Variants in PMF1 observed in about 807,000 individuals in gnomAD.
The protein encoded by PMF1 is polyamine modulated factor 1.
PMF1 carries 21 observed loss-of-function variants against 26.7 expected under a neutral mutation model. The ratio of observed to expected loss-of-function variants is 0.79; its 90% CI spans 0.56 to 1.13. The LOEUF (loss-of-function observed/expected upper bound fraction) is 1.13. PMF1 is among the 50% of genes most tolerant of loss of function. The pLI, the probability that PMF1 is intolerant of heterozygous loss-of-function variation, is 0.00. For synonymous variants in PMF1, 105 were observed against 101.0 expected (o/e 1.04, Z -0.24); for missense variants, 266 against 254.9 (o/e 1.04, Z -0.30).
intron 1 of PMF1, among the ~76,000 whole-genome samples, chr1:156,221,191 C>T (rs192409394): frequency 1.5e-3 from 236 of 152,282 alleles, no homozygotes; most frequent in African/African-American, 5.4e-3. Context: ...TGAAAGCCTT[C>T]GGTGACTGTC....
rs756934419 is a variant in PMF1, at chr1:156,232,332, C to A, written c.174C>A (p.Phe58Leu). 1 of 1,614,034 alleles carries A rather than the reference C, an allele frequency of 6.2e-7. No individual in the cohort carries two copies. Among genetic ancestry groups the A allele is most frequent in the South Asian group, 1.1e-5 (1 of 91,072 alleles). Residue 58 changes from phenylalanine (F) to leucine (L), a missense_variant, in exon 2 of 5, where the codon TTC (phenylalanine) becomes TTA (leucine). Transcript: ENST00000368277. ...TCCTTCCCGCCAGCTACCAGAGATT[C>A]ACTGACTGCTATAAGTGCTTCTACC... ...KLVAAGSYQR[F>L]TDCYKCFYQL...
chr1:156,232,856 C>T (rs1658795317), intron 2 of PMF1, among the ~76,000 whole-genome samples: 1 of 151,064 alleles, frequency 6.6e-6, no homozygotes, highest in Non-Finnish European at 1.5e-5. Flanking sequence ...AGCCTACAGG[C>T]TCTTTTTAAA....
intron 1 of PMF1, among the ~76,000 whole-genome samples, chr1:156,231,139 C>T (rs1196230551): frequency 7.1e-5 from 10 of 140,622 alleles, no homozygotes; most frequent in Non-Finnish European, 1.4e-4. Flanking sequence ...ATGGTGTGAA[C>T]GCGGGAGGCG....
intron 1 of PMF1, among the ~76,000 whole-genome samples, chr1:156,227,062 G>T (rs560341705): frequency 1.3e-5 from 2 of 152,314 alleles, no homozygotes; most frequent in East Asian, 3.9e-4. Context: ...AGTCTACAGA[G>T]CGTCTTACAT....
rs1166309962 is a variant in PMF1 at position 156,230,064 on chromosome 1, G to A, written c.162-2256G>A. Among the ~76,000 whole-genome samples, 7 of 152,284 alleles carry A rather than the reference G, an allele frequency of 4.6e-5. No individual in the cohort carries two copies. In the East Asian group the frequency reaches 5.8e-4, roughly 13 times the overall value. The stretch of plus-strand genomic sequence containing the variant: ...AAAACATTGTTTGGGGGCGGGTTTC[G>A]TGAGGAGGCTTAAAGAGCCATGAGA... On this transcript the variant is annotated intron_variant, in intron 1 of 4. Transcript: ENST00000368277.
At chr1:156,236,528 C>T (rs781180950) in intron 4 of PMF1, 45 bp downstream of exon 4, 4 of 1,540,174 alleles carry the variant, frequency 2.6e-6, no homozygotes, top group East Asian at 4.9e-5. Context: ...TCTAATGGGC[C>T]CTCTGAGATC....
chr1:156,221,376 G>T (rs1004704536), intron 1 of PMF1, among the ~76,000 whole-genome samples: 2 of 152,114 alleles, frequency 1.3e-5, no homozygotes, highest in Non-Finnish European at 2.9e-5. Context: ...TCCCTGACCC[G>T]CTCTAAGGCC....
intron 1 of PMF1, among the ~76,000 whole-genome samples, chr1:156,224,440 C>T (rs1387681453): frequency 6.6e-6 from 1 of 152,220 alleles, no homozygotes; most frequent in Non-Finnish European, 1.5e-5. Context: ...AACGATTCAT[C>T]TTGAATCACT....
At chr1:156,228,676 A>G (rs1658525387) in intron 1 of PMF1, among the ~76,000 whole-genome samples, 2 of 152,086 alleles carry the variant, frequency 1.3e-5, no homozygotes, top group Non-Finnish European at 2.9e-5. Context: ...CCGCCTGCTG[A>G]GTAGGCTGGG....
At chr1:156,226,700 A>G (rs1455623184) in intron 1 of PMF1, among the ~76,000 whole-genome samples, 1 of 152,254 alleles carries the variant, frequency 6.6e-6, no homozygotes, top group Non-Finnish European at 1.5e-5. Context: ...CTAGATAGTT[A>G]TTATCCCCAT....
In PMF1 at chr1:156,214,538, T is replaced by C. The variant is rs1167051696; in HGVS notation, c.161+1362T>C. On this transcript the variant is annotated intron_variant, in intron 1 of 4. Transcript: ENST00000368277. ...TTGTCTTTTTGGAGCTTGCATTCAA[T>C]GCGTAGAGACGCCAACAACATCATC... Among the ~76,000 whole-genome samples the C allele has an allele frequency of 3.3e-5, 5 of 152,308 alleles. No individual in the cohort carries two copies. In the East Asian group the frequency reaches 5.8e-4, roughly 18 times the overall value.
chr1:156,237,714 T>C (rs1659114804), intron 4 of PMF1, among the ~76,000 whole-genome samples: 1 of 151,684 alleles, frequency 6.6e-6, no homozygotes, highest in Non-Finnish European at 1.5e-5. Flanking sequence ...CACAACGTGC[T>C]GGGATTACAG....
intron 1 of PMF1, among the ~76,000 whole-genome samples, chr1:156,216,743 CCG>C (rs1188620329): frequency 3.4e-5 from 5 of 147,642 alleles, no homozygotes; most frequent in Non-Finnish European, 7.4e-5. Flanking sequence ...TGGCTCCGTG[CCG>C]TGCGTGTCAG....
At chr1:156,224,996 T>TTA (rs2103097722) in intron 1 of PMF1, among the ~76,000 whole-genome samples, 1 of 151,248 alleles carries the variant, frequency 6.6e-6, no homozygotes, top group South Asian at 2.1e-4. Context: ...GCCTCCCGGG[T>TTA]TAAAGCGATT....
chr1:156,228,288 T>TTTTTTTTTTTTTTC (rs1371074585), intron 1 of PMF1, among the ~76,000 whole-genome samples: 3 of 143,792 alleles, frequency 2.1e-5, no homozygotes, highest in Admixed American at 7.1e-5. Context: ...TTTTTTTTTT[T>TTTTTTTTTTTTTTC]AGTGTATCAC....
intron 1 of PMF1, among the ~76,000 whole-genome samples, chr1:156,226,961 G>A (rs1019466213): frequency 6.6e-6 from 1 of 152,144 alleles, no homozygotes; most frequent in Non-Finnish European, 1.5e-5. Context: ...GGAGGCTCCT[G>A]GGGGAGGACT....
chr1:156,228,723 G>A (rs757832856), intron 1 of PMF1, among the ~76,000 whole-genome samples: 1 of 152,000 alleles, frequency 6.6e-6, no homozygotes, highest in Admixed American at 6.6e-5. Flanking sequence ...AGCCAAACCT[G>A]TTTTAAGCCA....
intron 3 of PMF1, among the ~76,000 whole-genome samples, chr1:156,234,530 A>G (rs1319144316): frequency 1.3e-5 from 2 of 151,174 alleles, no homozygotes; most frequent in Admixed American, 1.3e-4. Context: ...TTTTTTTAAG[A>G]CAGAGTCTTG....
intron 1 of PMF1, 54 bp downstream of exon 1, chr1:156,213,230 C>T (rs1353301389): frequency 1.1e-5 from 17 of 1,595,580 alleles, no homozygotes; most frequent in Non-Finnish European, 1.4e-5. Flanking sequence ...AGCTCAAATC[C>T]CGCGAGGTCA....
Sources: allele counts gnomAD v4.1 joint callset (sites outside exome capture counted in the v4.1 genomes callset), GRCh38; gene constraint gnomAD v4.1.1; transcripts MANE v1.5; gene names NCBI Gene and HGNC (gene_info 2026-07-23, HGNC 2026-07-21).